The following INSYN2A variants were observed in gnomAD, a reference collection of about 807,000 sequenced individuals.
The protein encoded by INSYN2A is family with sequence similarity 196 member A.
Under a neutral mutation model 39.4 loss-of-function variants are expected in INSYN2A, and 17 were observed. That is an observed-to-expected ratio of 0.43 (90% CI 0.30 to 0.65). The LOEUF (loss-of-function observed/expected upper bound fraction) is 0.65, where lower values mean the gene tolerates loss of function less well. INSYN2A is among the 30% of genes least tolerant of loss of function. INSYN2A has a pLI of 0.14. For missense variants in INSYN2A, 595 were observed against 631.2 expected (o/e 0.94, Z 0.61); for synonymous variants, 255 against 265.7 (o/e 0.96, Z 0.39).
At chr10:127,171,995 G>A (rs1324439738) in intron 4 of INSYN2A, among the ~76,000 whole-genome samples, 4 of 152,180 alleles carry the variant, frequency 2.6e-5, no homozygotes, top group Non-Finnish European at 5.9e-5. Flanking sequence ...ATGATCCACC[G>A]TGCCCGGCCT....
chr10:127,189,112 G>A (rs935680682), intron 2 of INSYN2A, among the ~76,000 whole-genome samples: 1 of 152,216 alleles, frequency 6.6e-6, no homozygotes, highest in Non-Finnish European at 1.5e-5. Flanking sequence ...GGATGACACT[G>A]GATGCAGGAC....
At chr10:127,168,619 A>C (rs1353778609) in intron 4 of INSYN2A, among the ~76,000 whole-genome samples, 2 of 152,232 alleles carry the variant, frequency 1.3e-5, no homozygotes, top group African/African-American at 4.8e-5. Context: ...AACCAGGTGG[A>C]AGACTTTGAT....
At chr10:127,171,409 A>C (rs2054558335) in intron 4 of INSYN2A, among the ~76,000 whole-genome samples, 1 of 152,224 alleles carries the variant, frequency 6.6e-6, no homozygotes, top group South Asian at 2.1e-4. Context: ...AGCGGGATTC[A>C]AAGAATACTG....
chr10:127,144,224 C>A (rs1273778702), intron 5 of INSYN2A, among the ~76,000 whole-genome samples: 3 of 152,298 alleles, frequency 2.0e-5, no homozygotes, highest in African/African-American at 7.2e-5. Flanking sequence ...CTTCTCAAAT[C>A]CCTGCTTATC....
intron 4 of INSYN2A, among the ~76,000 whole-genome samples, chr10:127,171,594 T>C (rs2054577649): frequency 6.6e-6 from 1 of 152,182 alleles, no homozygotes; most frequent in African/African-American, 2.4e-5. Flanking sequence ...CCCTGTATGC[T>C]TTATTGGGGT....
At chr10:127,163,335 G>A (rs1190022256) in intron 4 of INSYN2A, among the ~76,000 whole-genome samples, 2 of 151,830 alleles carry the variant, frequency 1.3e-5, no homozygotes, top group Admixed American at 6.6e-5. Context: ...AGACTTCTCC[G>A]CCACATTTAT....
At position 127,196,111 on chromosome 10, in the gene INSYN2A, G is replaced by C. The variant is rs1218196197; in HGVS notation, c.-509C>G. 6.6e-6 allele frequency: 1 copy of C among 152,042 alleles called. No homozygotes were observed. Among genetic ancestry groups the C allele is most frequent in the Non-Finnish European group, 1.5e-5 (1 of 68,032 alleles). The allele number at this position is 152,042 out of a possible 1,614,324, so 9.4% of individuals were successfully genotyped here. The stretch of plus-strand genomic sequence containing the variant: ...GAGCACTCCGGACAGGGCATCCGCG[G>C]CCAGACTCGCCGCGCTCACGCGGAG... On this transcript the variant is annotated 5_prime_UTR_variant, in exon 1 of 6. Coordinates refer to ENST00000522781, the MANE Select transcript of INSYN2A (RefSeq NM_001039762.3).
chr10:127,177,903 C>A (rs753307883), intron 2 of INSYN2A, among the ~76,000 whole-genome samples: 4 of 152,188 alleles, frequency 2.6e-5, no homozygotes, highest in Non-Finnish European at 4.4e-5. Flanking sequence ...GATGTTGCGT[C>A]ATTTTTCGGT....
chr10:127,169,296 T>A (rs962514348), intron 4 of INSYN2A, among the ~76,000 whole-genome samples: 24 of 152,184 alleles, frequency 1.6e-4, no homozygotes, highest in Non-Finnish European at 5.9e-5. Context: ...TGTGAACCCC[T>A]CAAAGGCTGG....
At chr10:127,192,111 T>C (rs983158057) in intron 2 of INSYN2A, among the ~76,000 whole-genome samples, 1 of 152,254 alleles carries the variant, frequency 6.6e-6, no homozygotes, top group South Asian at 2.1e-4. Flanking sequence ...GTATAATTCA[T>C]ATGAATGTAT....
intron 4 of INSYN2A, among the ~76,000 whole-genome samples, chr10:127,166,336 A>G (rs370803084): frequency 4.5e-4 from 69 of 152,110 alleles, no homozygotes; most frequent in African/African-American, 1.4e-3. Flanking sequence ...AAGTGCTGGG[A>G]TTACAGGCGT....
At chr10:127,153,996 A>C in intron 4 of INSYN2A, 73 bp from the exon 5 acceptor site, 1 of 1,045,674 alleles carries the variant, frequency 9.6e-7, no homozygotes, top group South Asian at 1.3e-5. Context: ...AGATGCCTCA[A>C]ATCAAATGCC....
At chr10:127,154,298 C>T (rs968876692) in intron 4 of INSYN2A, among the ~76,000 whole-genome samples, 1 of 152,232 alleles carries the variant, frequency 6.6e-6, no homozygotes, top group Non-Finnish European at 1.5e-5. Context: ...GTTTGCTCTA[C>T]CCCACCTGTC....
chr10:127,192,388 A>C (rs1262587078), intron 2 of INSYN2A, among the ~76,000 whole-genome samples: 1 of 152,214 alleles, frequency 6.6e-6, no homozygotes, highest in Non-Finnish European at 1.5e-5. Flanking sequence ...TCTACATTCA[A>C]GTTAATTTTC....
rs774728310 is a variant in INSYN2A, at chr10:127,175,946, C to T, written c.450G>A (p.Lys150=). 6.2e-7 allele frequency: 1 copy of T among 1,614,216 alleles called. No homozygotes were observed. The highest frequency in any genetic ancestry group is 1.3e-5 in the African/African-American group (1 of 75,066). Residue 150 remains lysine (K), a synonymous_variant, in exon 4 of 6, where the codon AAG becomes AAA. Transcript: ENST00000522781. The surrounding 1 kb of genome is among the most constrained non-coding windows in gnomAD (Gnocchi z 6.3). ...CCTCCTCCATGGGTCCAGCCTCGTT[C>T]TTCTCTTTCGCATCTGTTAGAAACC... ...NNGFLTDAKE[K]NEAGPMEEAR...
In INSYN2A at chr10:127,190,744, G is replaced by C. The variant is rs141070980; in HGVS notation, c.-269+1861C>G. On this transcript the variant is annotated intron_variant, in intron 2 of 5. Transcript: ENST00000522781. ...AATCCCCCACCGCCTTGCTGGCCTTGGGTAGCATCTTTAATCCCTTCTTTC... is the reference window on the plus strand; with the variant it reads ...AATCCCCCACCGCCTTGCTGGCCTTCGGTAGCATCTTTAATCCCTTCTTTC... Among the ~76,000 whole-genome samples, 120 of 133,224 alleles carry C rather than the reference G, an allele frequency of 9.0e-4. No individual in the cohort carries two copies. The Middle Eastern group carries it at 0.015, about 17-fold the overall frequency. The allele number at this position is 133,224 out of a possible 152,430, so 87.4% of individuals were successfully genotyped here.
intron 4 of INSYN2A, among the ~76,000 whole-genome samples, chr10:127,171,298 A>G (rs2054547351): frequency 6.6e-6 from 1 of 152,270 alleles, no homozygotes; most frequent in Non-Finnish European, 1.5e-5. Flanking sequence ...TAAGAACTAC[A>G]GGGAAGCACT....
rs2055145675 is a variant in INSYN2A at position 127,176,322 on chromosome 10, G to A, written c.74C>T (p.Ala25Val). ...ESEVEPAACL[A>V]LEMKYALDPN... ...GTCCAGGGCGTATTTCATCTCCAGG[G>A]CCAGGCAGGCGGCGGGTTCCACTTC... is the stretch of plus-strand genomic sequence containing the variant. Residue 25 changes from alanine to valine, a missense_variant, in exon 4 of 6, where the codon GCC (alanine) becomes GTC (valine). Ala to Val is a moderately conservative substitution (Grantham distance 64). This residue lies in a region of INSYN2A where 478 missense variants were observed against 467.4 expected (regional missense o/e 1.02). Coordinates refer to ENST00000522781, the MANE Select transcript of INSYN2A (RefSeq NM_001039762.3). The surrounding 1 kb of genome is among the most constrained non-coding windows in gnomAD (Gnocchi z 4.4). 1 of 1,613,882 alleles carries A rather than the reference G, an allele frequency of 6.2e-7. No individual in the cohort carries two copies. The highest frequency in any genetic ancestry group is 1.3e-5 in the African/African-American group (1 of 74,902).
intron 2 of INSYN2A, among the ~76,000 whole-genome samples, chr10:127,189,517 A>G (rs2056560828): frequency 6.6e-6 from 1 of 152,260 alleles, no homozygotes; most frequent in Non-Finnish European, 1.5e-5. Context: ...TATATTCAGA[A>G]TAAATATTAT....
Sources: allele counts gnomAD v4.1 joint callset (sites outside exome capture counted in the v4.1 genomes callset), GRCh38; gene constraint gnomAD v4.1.1; regional missense constraint gnomAD v4.1.1; non-coding constraint Gnocchi (gnomAD v3.1); transcripts MANE v1.5; gene names NCBI Gene and HGNC (gene_info 2026-07-23, HGNC 2026-07-21).